Variants in HERC3 observed in about 807,000 individuals in gnomAD.
HERC3 encodes the protein HECT and RLD domain containing E3 ubiquitin protein ligase 3, also known as probable E3 ubiquitin-protein ligase HERC3.
Under a neutral mutation model 129.9 loss-of-function variants are expected in HERC3, and 58 were observed. The ratio of observed to expected loss-of-function variants is 0.45; its 90% CI spans 0.36 to 0.56. The LOEUF (loss-of-function observed/expected upper bound fraction) is 0.56. HERC3 is among the 20% of genes least tolerant of loss of function. The pLI is 0.00. For missense variants in HERC3, 835 were observed against 1,244.2 expected (o/e 0.67, Z 4.95); for synonymous variants, 430 against 451.0 (o/e 0.95, Z 0.59).
At chr4:88,676,488 T>C in intron 18 of HERC3, 65 bp downstream of exon 18, 1 of 1,124,894 alleles carries the variant, frequency 8.9e-7, no homozygotes, top group Admixed American at 2.0e-5. Flanking sequence ...CATTCAGTTG[T>C]AATTTTTTCT....
At chr4:88,543,194 A>T in the HERC3 span, among the ~76,000 whole-genome samples, 1 of 152,202 alleles carries the variant, frequency 6.6e-6, no homozygotes, top group African/African-American at 2.4e-5. Flanking sequence ...AGATCCCCTC[A>T]TCTCAGCCCA....
the HERC3 span, among the ~76,000 whole-genome samples, chr4:88,548,354 G>A: frequency 1.3e-5 from 2 of 152,076 alleles, no homozygotes; most frequent in South Asian, 2.1e-4. Flanking sequence ...TTTTTGCAAG[G>A]TCTTGTTATT....
At chr4:88,685,667 G>A (rs962928359) in intron 21 of HERC3, among the ~76,000 whole-genome samples, 1 of 151,992 alleles carries the variant, frequency 6.6e-6, no homozygotes, top group Non-Finnish European at 1.5e-5. Flanking sequence ...TTAAAACCTA[G>A]ATGACAGGTT....
At chr4:88,697,059 A>C in intron 23 of HERC3, 1 of 735,744 alleles carries the variant, frequency 1.4e-6, no homozygotes, top group African/African-American at 1.8e-5. Flanking sequence ...TAATTGCTTT[A>C]ATTTAATCTA....
intron 23 of HERC3, chr4:88,693,321 A>C: frequency 1.0e-6 from 1 of 969,206 alleles, no homozygotes; most frequent in Non-Finnish European, 1.2e-6. Flanking sequence ...AAAATGTATA[A>C]CATTTGAATT....
chr4:88,690,868 C>G (rs899431111), intron 23 of HERC3, among the ~76,000 whole-genome samples: 1 of 152,102 alleles, frequency 6.6e-6, no homozygotes, highest in African/African-American at 2.4e-5. Context: ...ATTGACTCAA[C>G]AGTTGTGGGA....
chr4:88,591,035 G>A (rs1015604337), upstream of HERC3, among the ~76,000 whole-genome samples: 7 of 151,812 alleles, frequency 4.6e-5, no homozygotes, highest in Non-Finnish European at 1.0e-4. Context: ...GACTACAGGC[G>A]CACACCACCC....
At chr4:88,555,281 C>CAAAAAA in the HERC3 span, among the ~76,000 whole-genome samples, 3 of 110,446 alleles carry the variant, frequency 2.7e-5, no homozygotes, top group Non-Finnish European at 2.0e-5. Flanking sequence ...GACTCCGTCT[C>CAAAAAA]AAAAAAAAAA....
At chr4:88,648,631 C>G (rs1180691487) in intron 3 of HERC3, among the ~76,000 whole-genome samples, 1 of 152,040 alleles carries the variant, frequency 6.6e-6, no homozygotes, top group Non-Finnish European at 1.5e-5. Context: ...TCTTGTTATT[C>G]TGAAATTTCA....
intron 23 of HERC3, among the ~76,000 whole-genome samples, chr4:88,702,705 C>T (rs1735426034): frequency 6.6e-6 from 1 of 152,206 alleles, no homozygotes; most frequent in Non-Finnish European, 1.5e-5. Context: ...CTTGCCTGCA[C>T]TCATCTTCTT....
chr4:88,649,785 G>A lies in HERC3; in HGVS notation c.227-55G>A, dbSNP rs1729078123. On this transcript the variant is annotated intron_variant, in intron 3 of 25. Transcript: ENST00000402738. ...AGGAAGATAATCCTGTGTAATGGTA[G>A]CAGTATTCCTGTTTCTGGGTTGTAC... 13 of 1,458,210 alleles carry A rather than the reference G, an allele frequency of 8.9e-6. No homozygotes were observed. In the South Asian group the frequency reaches 1.4e-4, roughly 16 times the overall value. 90.3% of individuals were successfully genotyped at this position (1,458,210 alleles called of 1,614,324 possible). A position where few individuals can be genotyped will look rare whatever the true frequency, so the allele number is the denominator to read the frequency against.
At chr4:88,587,190 G>T in the HERC3 span, among the ~76,000 whole-genome samples, 1 of 152,268 alleles carries the variant, frequency 6.6e-6, no homozygotes, top group South Asian at 2.1e-4. Flanking sequence ...TGGAAACACA[G>T]ACAATGTTAT....
At chr4:88,648,753 G>A (rs1428489239) in intron 3 of HERC3, among the ~76,000 whole-genome samples, 2 of 151,786 alleles carry the variant, frequency 1.3e-5, no homozygotes, top group Non-Finnish European at 2.9e-5. Flanking sequence ...TATATCTTGT[G>A]TCTTCTCCAT....
chr4:88,590,769 C>G (rs1207467511), upstream of HERC3, among the ~76,000 whole-genome samples: 3 of 152,140 alleles, frequency 2.0e-5, no homozygotes, highest in Non-Finnish European at 1.5e-5. Context: ...CCAACAGCAT[C>G]TCTAAATTGG....
chr4:88,657,833 C>G (rs1361056940), intron 9 of HERC3, among the ~76,000 whole-genome samples: 2 of 151,460 alleles, frequency 1.3e-5, no homozygotes, highest in East Asian at 3.9e-4. Context: ...GGTGCAGTTC[C>G]AGAAGCACAT....
the HERC3 span, among the ~76,000 whole-genome samples, chr4:88,531,140 G>C: frequency 6.6e-6 from 1 of 152,022 alleles, no homozygotes; most frequent in African/African-American, 2.4e-5. Context: ...TTATAGGCGT[G>C]ACCCACCATG....
intron 2 of HERC3, among the ~76,000 whole-genome samples, chr4:88,597,072 A>G (rs1722481020): frequency 1.3e-5 from 2 of 151,972 alleles, no homozygotes; most frequent in African/African-American, 4.8e-5. Flanking sequence ...TTATTGATGG[A>G]TATTTGTTTT....
At chr4:88,655,052 G>T in intron 7 of HERC3, 122 bp from the exon 8 acceptor site, 3 of 873,670 alleles carry the variant, frequency 3.4e-6, no homozygotes, top group South Asian at 2.6e-5. Context: ...AGTGATTTTG[G>T]CCAAGTGTCA....
chr4:88,697,302 C>T (rs1304500836), intron 23 of HERC3: 1 of 1,608,908 alleles, frequency 6.2e-7, no homozygotes, highest in Non-Finnish European at 8.5e-7. Context: ...CCTCGTCTTC[C>T]CCCTCCTCCT....
Sources: allele counts gnomAD v4.1 joint callset (sites outside exome capture counted in the v4.1 genomes callset), GRCh38; gene constraint gnomAD v4.1.1; transcripts MANE v1.5; gene names NCBI Gene and HGNC (gene_info 2026-07-23, HGNC 2026-07-21).